Variants in ST7 observed in about 807,000 individuals in gnomAD.
The protein encoded by ST7 is suppression of tumorigenicity 7, also known as suppressor of tumorigenicity 7 protein.
Under a neutral mutation model 78.7 loss-of-function variants are expected in ST7, and 28 were observed. That is an observed-to-expected ratio of 0.36 (90% CI 0.26 to 0.49). The LOEUF (loss-of-function observed/expected upper bound fraction) is 0.49. Ranked by LOEUF, ST7 falls within the 20% of genes least tolerant of loss-of-function variation. ST7 has a pLI of 0.99. For missense variants in ST7, 418 were observed against 696.0 expected (o/e 0.60, Z 4.49); for synonymous variants, 247 against 249.6 (o/e 0.99, Z 0.10).
intron 10 of ST7, among the ~76,000 whole-genome samples, chr7:117,187,082 C>A (rs73714389): frequency 6.6e-6 from 1 of 152,088 alleles, no homozygotes; most frequent in Admixed American, 6.6e-5. Context: ...ATTTAGGATC[C>A]GTTTCTTTAG....
At chr7:116,975,323 C>A (rs1793643312) in intron 1 of ST7, among the ~76,000 whole-genome samples, 1 of 152,120 alleles carries the variant, frequency 6.6e-6, no homozygotes, top group African/African-American at 2.4e-5. Flanking sequence ...TCCCATGACA[C>A]ATGAGGATTA....
intron 9 of ST7, among the ~76,000 whole-genome samples, chr7:117,153,581 A>C (rs574702871): frequency 3.8e-4 from 58 of 152,314 alleles, no homozygotes; most frequent in Admixed American, 1.4e-3. Flanking sequence ...TCTTAGAGGG[A>C]GGAAATGGTC....
chr7:117,226,556 G>A (rs900034415), intron 15 of ST7, among the ~76,000 whole-genome samples: 14 of 152,228 alleles, frequency 9.2e-5, no homozygotes, highest in Admixed American at 3.3e-4. Context: ...TCAAACATGC[G>A]CAGAAATACA....
chr7:117,213,553 GA>G (rs1373284509), intron 13 of ST7, among the ~76,000 whole-genome samples: 1 of 150,904 alleles, frequency 6.6e-6, no homozygotes, highest in Non-Finnish European at 1.5e-5. Context: ...CAATCAAGCT[GA>G]AAAAAAACCT....
intron 1 of ST7, among the ~76,000 whole-genome samples, chr7:117,044,822 T>G (rs1342405430): frequency 6.6e-6 from 1 of 152,204 alleles, no homozygotes; most frequent in Non-Finnish European, 1.5e-5. Context: ...ATCTCTAGTC[T>G]AGACCTCCCT....
intron 1 of ST7, among the ~76,000 whole-genome samples, chr7:117,084,363 T>C (rs895611254): frequency 6.6e-6 from 1 of 152,128 alleles, no homozygotes; most frequent in Admixed American, 6.5e-5. Context: ...ATTGGACCAC[T>C]GAGGGCAACA....
intron 1 of ST7, among the ~76,000 whole-genome samples, chr7:117,028,333 C>CT (rs1288954391): frequency 6.6e-6 from 1 of 152,036 alleles, no homozygotes; most frequent in Non-Finnish European, 1.5e-5. Context: ...AATTATTTTA[C>CT]TTTTTTTTGT....
chr7:117,216,848 G>A (rs1004184568), intron 13 of ST7, among the ~76,000 whole-genome samples: 5 of 151,990 alleles, frequency 3.3e-5, no homozygotes, highest in Non-Finnish European at 1.5e-5. Context: ...TATAATCATG[G>A]GGGTGGAGGG....
At chr7:117,209,351 G>A (rs1792094981) in intron 12 of ST7, among the ~76,000 whole-genome samples, 1 of 152,174 alleles carries the variant, frequency 6.6e-6, no homozygotes, top group Admixed American at 6.5e-5. Flanking sequence ...CTTGATACAT[G>A]TGTATAGAAA....
At position 117,221,903 on chromosome 7, in the gene ST7, C is replaced by G. The variant is rs1793122359; in HGVS notation, c.1499-20C>G. ...CAGTTTACTCCAGCCCTGATATTTCCCTTTTGGTCTTCTCCACAGCTTTCC... is the reference window on the plus strand; with the variant it reads ...CAGTTTACTCCAGCCCTGATATTTCGCTTTTGGTCTTCTCCACAGCTTTCC... On this transcript the variant is annotated intron_variant, in intron 14 of 15. Transcript: ENST00000323984. 1 of 1,597,778 alleles carries G rather than the reference C, an allele frequency of 6.3e-7. No homozygotes were observed. Among genetic ancestry groups the G allele is most frequent in the Admixed American group, 1.7e-5 (1 of 57,880 alleles).
chr7:116,955,159 T>A (rs566679310), intron 1 of ST7: 230 of 467,138 alleles, frequency 4.9e-4, no homozygotes, highest in Middle Eastern at 2.3e-3. Context: ...GACAAGTATG[T>A]CTCCAGGATA....
intron 9 of ST7, among the ~76,000 whole-genome samples, chr7:117,152,982 GT>G (rs1325082604): frequency 6.6e-6 from 1 of 152,118 alleles, no homozygotes; most frequent in Non-Finnish European, 1.5e-5. Context: ...AATGTTCTGG[GT>G]TTAATTTAGT....
intron 13 of ST7, among the ~76,000 whole-genome samples, chr7:117,218,726 C>T (rs962766134): frequency 3.3e-5 from 5 of 152,140 alleles, no homozygotes; most frequent in Admixed American, 1.3e-4. Flanking sequence ...TTTTAATCCA[C>T]GTTTGCATGA....
chr7:117,153,696 T>C (rs557612607), intron 9 of ST7, among the ~76,000 whole-genome samples: 3 of 152,306 alleles, frequency 2.0e-5, no homozygotes, highest in South Asian at 4.1e-4. Context: ...TGGAGAAAAC[T>C]ATTTGTTACC....
chr7:117,003,943 A>G (rs966756324), intron 1 of ST7, among the ~76,000 whole-genome samples: 3 of 152,174 alleles, frequency 2.0e-5, no homozygotes, highest in Non-Finnish European at 2.9e-5. Flanking sequence ...CATTGTCTCT[A>G]CAACTCAGAG....
In ST7 at chr7:117,206,435, G is replaced by C. The variant is rs115402006; in HGVS notation, c.1255-3352G>C. Among the ~76,000 whole-genome samples the C allele has an allele frequency of 7.6e-3, 1,155 of 152,284 alleles. 19 individuals carry two copies. Among genetic ancestry groups the C allele is most frequent in the African/African-American group, 0.026 (1,088 of 41,546 alleles). ...CTCTTGGGGGTCTTATGATTTAGCA[G>C]AGGAACAAGATACACAATAACTAAT... On this transcript the variant is annotated intron_variant, in intron 12 of 15. Transcript: ENST00000323984.
At chr7:117,070,602 G>A (rs1008191275) in intron 1 of ST7, among the ~76,000 whole-genome samples, 7 of 152,042 alleles carry the variant, frequency 4.6e-5, no homozygotes, top group African/African-American at 1.7e-4. Flanking sequence ...ATGCAGTGGC[G>A]CGATCTCGGC....
chr7:117,169,471 T>C (rs1393862504), intron 9 of ST7, among the ~76,000 whole-genome samples: 2 of 152,172 alleles, frequency 1.3e-5, no homozygotes, highest in Non-Finnish European at 2.9e-5. Context: ...AACTTTGCTC[T>C]GAAATTCTTG....
At chr7:116,995,492 C>A (rs929455076) in intron 1 of ST7, among the ~76,000 whole-genome samples, 1 of 152,168 alleles carries the variant, frequency 6.6e-6, no homozygotes, top group African/African-American at 2.4e-5. Context: ...AGGTGACATA[C>A]AAGCTATAAA....
Sources: gnomAD v4.1 joint callset for allele counts (sites outside exome capture counted in the v4.1 genomes callset) on GRCh38, gnomAD v4.1.1 for gene constraint, MANE v1.5 for transcripts, NCBI Gene and HGNC (gene_info 2026-07-23, HGNC 2026-07-21) for gene names.